The following ADGRF1 variants were observed in gnomAD, a reference collection of about 807,000 sequenced individuals.
ADGRF1 encodes G protein-coupled receptor 110.
ADGRF1 carries 85 observed loss-of-function variants against 87.2 expected under a neutral mutation model. The observed-to-expected ratio is 0.97, with a 90% CI of 0.82 to 1.17. The LOEUF (loss-of-function observed/expected upper bound fraction) is 1.17, where lower values mean the gene tolerates loss of function less well. Ranked by LOEUF, ADGRF1 falls within the 50% of genes most tolerant of loss-of-function variation. The pLI, the probability that ADGRF1 is intolerant of heterozygous loss-of-function variation, is 0.00. For synonymous variants in ADGRF1, 430 were observed against 408.8 expected, an observed-to-expected ratio of 1.05 and a Z score of -0.63; for missense variants, 1,169 against 1,077.2, an observed-to-expected ratio of 1.09 and a Z score of -1.19.
intron 4 of ADGRF1, among the ~76,000 whole-genome samples, chr6:47,024,887 G>A (rs1174651802): frequency 1.3e-5 from 2 of 152,194 alleles, no homozygotes; most frequent in Non-Finnish European, 2.9e-5. Context: ...CCCATACATA[G>A]CCACTGCAAT....
intron 1 of ADGRF1, among the ~76,000 whole-genome samples, chr6:47,036,109 T>C (rs1242115313): frequency 6.6e-6 from 1 of 152,142 alleles, no homozygotes; most frequent in African/African-American, 2.4e-5. Context: ...TACGCACCTG[T>C]GGTCCCAGCT....
In ADGRF1 at chr6:47,027,780, A is replaced by T. The variant is rs745751735; in HGVS notation, c.70-19T>A. 7.9e-6 allele frequency: 11 copies of T among 1,389,768 alleles called. No homozygotes were observed. The highest frequency in any genetic ancestry group is 1.1e-5 in the Non-Finnish European group (11 of 976,684). The allele number at this position is 1,389,768 out of a possible 1,614,324, so 86.1% of individuals were successfully genotyped here. On this transcript the variant is annotated intron_variant, in intron 2 of 14. Coordinates refer to ENST00000371253, the MANE Select transcript of ADGRF1 (RefSeq NM_153840.4). Reference sequence around the variant, plus strand: ...CATTTTTCTGTTAAAAAGAAAAAAAATAGTTACGGTGAGACTTTGAAGAGT... The same window carrying T: ...CATTTTTCTGTTAAAAAGAAAAAAATTAGTTACGGTGAGACTTTGAAGAGT...
At chr6:47,035,516 AT>A (rs1780563920) in intron 1 of ADGRF1, among the ~76,000 whole-genome samples, 1 of 152,212 alleles carries the variant, frequency 6.6e-6, no homozygotes, top group South Asian at 2.1e-4. Context: ...TGATTTGATT[AT>A]TTTGGCAATT....
At chr6:47,018,480 C>CAGGG (rs1779946540) in intron 7 of ADGRF1, 1 of 1,289,446 alleles carries the variant, frequency 7.8e-7, no homozygotes, top group Non-Finnish European at 1.0e-6. Context: ...GTCACAATAC[C>CAGGG]TTTGTATTGA....
rs1287470710 is a variant in ADGRF1 at position 47,024,043 on chromosome 6, C to G, written c.451+1G>C. 6.2e-7 allele frequency: 1 copy of G among 1,613,258 alleles called. No homozygotes were observed. Among genetic ancestry groups the G allele is most frequent in the Non-Finnish European group, 8.5e-7 (1 of 1,179,502 alleles). On this transcript the variant is annotated splice_donor_variant, in intron 5 of 14. Transcript: ENST00000371253. LOFTEE classifies it high-confidence loss of function. ...AGCCCAGAGCATTCTTAGTTGCTTA[C>G]TTGTTCTCTCACAGAAATTGACACT... is the stretch of plus-strand genomic sequence containing the variant.
chr6:47,020,432 G>C (rs764193860), intron 7 of ADGRF1: 1 of 1,048,900 alleles, frequency 9.5e-7, no homozygotes. Flanking sequence ...GTAGGCAGAG[G>C]TTGCAGGGTT....
At chr6:47,033,227 C>CG (rs1409754852) in intron 1 of ADGRF1, among the ~76,000 whole-genome samples, 1 of 152,190 alleles carries the variant, frequency 6.6e-6, no homozygotes, top group Non-Finnish European at 1.5e-5. Flanking sequence ...CATGGTGGGA[C>CG]GCCCCCTCCG....
chr6:47,026,506 C>A (rs1447319147), intron 3 of ADGRF1, among the ~76,000 whole-genome samples: 1 of 152,004 alleles, frequency 6.6e-6, no homozygotes, highest in African/African-American at 2.4e-5. Context: ...ATATGAAATC[C>A]AAAAGCAAAA....
At chr6:47,041,262 A>T (rs868649196) in intron 1 of ADGRF1, among the ~76,000 whole-genome samples, 1 of 152,242 alleles carries the variant, frequency 6.6e-6, no homozygotes, top group Non-Finnish European at 1.5e-5. Flanking sequence ...AGAGCATAAT[A>T]AAAGGCTTGT....
chr6:47,020,812 A>C, intron 6 of ADGRF1, 23 bp from the exon 7 acceptor site: 1 of 1,594,100 alleles, frequency 6.3e-7, no homozygotes, highest in Non-Finnish European at 8.6e-7. Context: ...ACAAAGAACA[A>C]TGTGTTAATT....
intron 1 of ADGRF1, among the ~76,000 whole-genome samples, chr6:47,035,647 C>T (rs1352901553): frequency 1.3e-5 from 2 of 152,124 alleles, no homozygotes; most frequent in Admixed American, 1.3e-4. Flanking sequence ...CCCAAAGAAT[C>T]AAGTATTTCC....
chr6:47,023,943 T>C (rs1221016946), intron 5 of ADGRF1, 101 bp downstream of exon 5: 3 of 1,090,122 alleles, frequency 2.8e-6, no homozygotes, highest in Admixed American at 2.5e-5. Context: ...TCAATCTCCC[T>C]GTAAACAAAC....
chr6:47,007,326 T>C, intron 11 of ADGRF1, 32 bp from the exon 12 acceptor site: 1 of 1,334,576 alleles, frequency 7.5e-7, no homozygotes. Context: ...TCACATGTAT[T>C]GTATTTTTCT....
intron 6 of ADGRF1, 116 bp downstream of exon 6, chr6:47,021,842 T>C: frequency 1.6e-6 from 1 of 625,796 alleles, no homozygotes; most frequent in Non-Finnish European, 2.8e-6. Context: ...TGTTTTGTTA[T>C]TTGCTCACTG....
chr6:47,030,919 C>T (rs997086152), intron 1 of ADGRF1, among the ~76,000 whole-genome samples: 13 of 152,016 alleles, frequency 8.6e-5, no homozygotes, highest in African/African-American at 2.4e-4. Flanking sequence ...TGCATCACAA[C>T]GCCTGGCTAA....
chr6:47,002,201 C>T (rs1483142151), intron 13 of ADGRF1, among the ~76,000 whole-genome samples: 3 of 152,002 alleles, frequency 2.0e-5, no homozygotes, highest in Non-Finnish European at 2.9e-5. Context: ...ATATTGAATG[C>T]CTTTGTGTGC....
In ADGRF1 at chr6:47,027,699, C is replaced by T; in HGVS notation, c.127+5G>A. 1 of 1,601,986 alleles carries T rather than the reference C, an allele frequency of 6.2e-7. No homozygotes were observed. The highest frequency in any genetic ancestry group is 1.1e-5 in the South Asian group (1 of 90,644). ...ACTGCACCATGCTGTCTAACAGAGC[C>T]TCACCTAGATGTTTTTTCTTATTCA... is the stretch of plus-strand genomic sequence containing the variant. On this transcript the variant is annotated splice_donor_5th_base_variant and intron_variant, in intron 3 of 14. Coordinates refer to ENST00000371253, the MANE Select transcript of ADGRF1 (RefSeq NM_153840.4).
Position 47,020,245 on chromosome 6 carries a change from G to A in ADGRF1, c.611+486C>T, listed in dbSNP as rs1055240736. 16 of 1,283,826 alleles carry A rather than the reference G, an allele frequency of 1.2e-5. 1 individual carries two copies. The highest frequency in any genetic ancestry group is 5.9e-4 in the Middle Eastern group (2 of 3,400). The allele number at this position is 1,283,826 out of a possible 1,614,324, so 79.5% of individuals were successfully genotyped here. A position where few individuals can be genotyped will look rare whatever the true frequency, so the allele number is the denominator to read the frequency against. On this transcript the variant is annotated intron_variant, in intron 7 of 14. Coordinates refer to ENST00000371253, the MANE Select transcript of ADGRF1 (RefSeq NM_153840.4). ...GTGGTGGCTCATGCCTGTAATCCCA[G>A]CACTTTGGGGGCCGAGGCAGGCGGA...
chr6:47,029,935 A>T (rs1308246055), intron 1 of ADGRF1, among the ~76,000 whole-genome samples: 1 of 152,236 alleles, frequency 6.6e-6, no homozygotes, highest in Non-Finnish European at 1.5e-5. Context: ...ACTTAAAGGA[A>T]TACCTTCTTC....
Sources: allele counts gnomAD v4.1 joint callset (sites outside exome capture counted in the v4.1 genomes callset), GRCh38; gene constraint gnomAD v4.1.1; transcripts MANE v1.5; gene names NCBI Gene and HGNC (gene_info 2026-07-23, HGNC 2026-07-21).